The following CACNA1C variants were observed in gnomAD, a reference collection of about 807,000 sequenced individuals.
CACNA1C encodes calcium voltage-gated channel subunit alpha1 C.
A neutral mutation model predicts 229.0 loss-of-function variants in CACNA1C; 30 were observed. That is an observed-to-expected ratio of 0.13 (90% confidence interval 0.10 to 0.18). The LOEUF is 0.18. Among genes scored for constraint, CACNA1C ranks in the 10% least tolerant of loss-of-function variants. CACNA1C has a pLI of 1.00. For synonymous variants in CACNA1C, 1,114 were observed against 1,132.5 expected, an observed-to-expected ratio of 0.98 and a Z score of 0.33; for missense variants, 1,658 against 2,845.0, an observed-to-expected ratio of 0.58 and a Z score of 9.49.
chr12:2,243,773 T>C (rs1352746907), intron 3 of CACNA1C, among the ~76,000 whole-genome samples: 1 of 152,216 alleles, frequency 6.6e-6, no homozygotes, highest in African/African-American at 2.4e-5. Context: ...ACAAGGGCAC[T>C]GTTTATCTGG....
In CACNA1C at chr12:2,053,135, C is replaced by T; in HGVS notation, c.-428C>T. On this transcript the variant is annotated 5_prime_UTR_variant, in exon 1 of 47. Coordinates refer to ENST00000399655, the MANE Select transcript of CACNA1C (RefSeq NM_000719.7). This position sits in a 1 kb window ranked among gnomAD's most constrained non-coding sequence, Gnocchi z 5.8. Reference sequence around the variant, plus strand: ...TTGACAGCAGAGAGCCGGGCAGGGGCCTCAGGAGGACTCGCTGGGAGTGGG... The same window carrying T: ...TTGACAGCAGAGAGCCGGGCAGGGGTCTCAGGAGGACTCGCTGGGAGTGGG... 1 of 984,838 alleles carries T rather than the reference C, an allele frequency of 1.0e-6. No individual in the cohort carries two copies. Among genetic ancestry groups the T allele is most frequent in the South Asian group, 4.7e-5 (1 of 21,270 alleles). The allele number at this position is 984,838 out of a possible 1,614,324, so 61.0% of individuals were successfully genotyped here.
At chr12:2,514,736 G>A (rs1473965122) in intron 9 of CACNA1C, among the ~76,000 whole-genome samples, 5 of 152,060 alleles carry the variant, frequency 3.3e-5, no homozygotes, top group Non-Finnish European at 5.9e-5. Flanking sequence ...GCCACTACAC[G>A]CTTAGCAGCC....
At chr12:2,413,624 C>T (rs949451081) in intron 3 of CACNA1C, among the ~76,000 whole-genome samples, 3 of 152,220 alleles carry the variant, frequency 2.0e-5, no homozygotes, top group African/African-American at 4.8e-5. Flanking sequence ...GGTTTCACAG[C>T]CCCTCTGGCT....
intron 3 of CACNA1C, among the ~76,000 whole-genome samples, chr12:2,192,745 C>G (rs2154300503): frequency 6.6e-6 from 1 of 151,144 alleles, no homozygotes; most frequent in South Asian, 2.1e-4. Flanking sequence ...CACACGGTAC[C>G]TGGCACTCCC....
intron 1 of CACNA1C, chr12:2,011,447 A>G (rs1194753590): frequency 3.3e-5 from 5 of 152,218 alleles, no homozygotes; most frequent in African/African-American, 1.2e-4. Context: ...CGCTAAGGTC[A>G]TAGAGGGATG....
intron 3 of CACNA1C, among the ~76,000 whole-genome samples, chr12:2,201,134 C>T (rs2154318624): frequency 6.6e-6 from 1 of 152,224 alleles, no homozygotes; most frequent in South Asian, 2.1e-4. Context: ...CTCCCCTTTC[C>T]CAGAATTGGG....
chr12:2,622,857 C>T (rs2084074678), intron 29 of CACNA1C, among the ~76,000 whole-genome samples: 1 of 152,202 alleles, frequency 6.6e-6, no homozygotes, highest in Non-Finnish European at 1.5e-5. Context: ...GTCTGGCCGG[C>T]TCAGTTTTCC....
In CACNA1C at chr12:2,269,422, G is replaced by A. The variant is rs980690983; in HGVS notation, c.477+148992G>A. Among the ~76,000 whole-genome samples, 6 of 152,298 alleles carry A rather than the reference G, an allele frequency of 3.9e-5. No homozygotes were observed. In the South Asian group the frequency reaches 8.3e-4, roughly 21 times the overall value. ...TCCTGATGAAGGAAGGTTTAGGGTG[G>A]AGGAATTCTGAGCCCCTGGGTTCTG... On this transcript the variant is annotated intron_variant, in intron 3 of 46. Coordinates refer to ENST00000399655, the MANE Select transcript of CACNA1C (RefSeq NM_000719.7).
intron 3 of CACNA1C, among the ~76,000 whole-genome samples, chr12:2,274,082 G>A (rs192490196): frequency 6.6e-6 from 1 of 152,312 alleles, no homozygotes; most frequent in East Asian, 1.9e-4. Flanking sequence ...GTGGCATAAG[G>A]TCCCACTTGG....
Position 2,677,142 on chromosome 12 carries a change from A to G in CACNA1C, c.4877A>G (p.Glu1626Gly). 6.2e-7 allele frequency: 1 copy of G among 1,613,700 alleles called. No individual in the cohort carries two copies. The highest frequency in any genetic ancestry group is 8.5e-7 in the Non-Finnish European group (1 of 1,179,782). Residue 1626 changes from glutamate (E) to glycine (G), a missense_variant, in exon 40 of 47, where the codon GAG becomes GGG. By Grantham distance (98) the Glu-to-Gly change is moderately conservative. Around this residue, in one of 20 missense-constraint regions of CACNA1C, gnomAD observed 151 missense variants for 344.4 expected, o/e 0.44. Coordinates refer to ENST00000399655, the MANE Select transcript of CACNA1C (RefSeq NM_000719.7). The surrounding 1 kb of genome is among the most constrained non-coding windows in gnomAD (Gnocchi z 7.4). ...GKFYATFLIQ[E>G]YFRKFKKRKE... ...TTCTACGCCACGTTCCTGATCCAGGAGTACTTCCGGAAGTTCAAGAAGCGC... is the reference window on the plus strand; with the variant it reads ...TTCTACGCCACGTTCCTGATCCAGGGGTACTTCCGGAAGTTCAAGAAGCGC...
At position 2,479,168 on chromosome 12, in the gene CACNA1C, T is replaced by G. The variant is rs1465326058; in HGVS notation, c.758-6936T>G. Among the ~76,000 whole-genome samples, 1 of 152,148 alleles carries G rather than the reference T, an allele frequency of 6.6e-6. No individual in the cohort carries two copies. The highest frequency in any genetic ancestry group is 1.9e-4 in the East Asian group (1 of 5,190). Reference sequence around the variant, plus strand: ...GGTGGGCACAGTAAGGACAGTGCCCTTCACTTGAACACCTGTTTTTTTTAA... The same window carrying G: ...GGTGGGCACAGTAAGGACAGTGCCCGTCACTTGAACACCTGTTTTTTTTAA... On this transcript the variant is annotated intron_variant, in intron 5 of 46. Transcript: ENST00000399655. The surrounding 1 kb of genome is among the most constrained non-coding windows in gnomAD (Gnocchi z 4.3).
intron 3 of CACNA1C, among the ~76,000 whole-genome samples, chr12:2,150,949 T>C (rs2095198698): frequency 6.6e-6 from 1 of 152,222 alleles, no homozygotes; most frequent in South Asian, 2.1e-4. Context: ...CCAAGGCCTG[T>C]AGCAGCCTGT....
intron 3 of CACNA1C, among the ~76,000 whole-genome samples, chr12:2,332,833 G>T (rs535875340): frequency 7.0e-4 from 106 of 152,304 alleles, no homozygotes; most frequent in African/African-American, 2.4e-3. Flanking sequence ...TATAAATCTG[G>T]AAGAAAGTAA....
At chr12:2,686,600 A>C (rs2097513502) in intron 45 of CACNA1C, among the ~76,000 whole-genome samples, 1 of 152,238 alleles carries the variant, frequency 6.6e-6, no homozygotes, top group South Asian at 2.1e-4. Flanking sequence ...ACACTGGCCT[A>C]TGCCTCAGGG....
rs142734642 is a variant in CACNA1C, at chr12:2,143,100, C to T, written c.477+22670C>T. On this transcript the variant is annotated intron_variant, in intron 3 of 46. Coordinates refer to ENST00000399655, the MANE Select transcript of CACNA1C (RefSeq NM_000719.7). ...AAGCAATTCTTCTGCCTCAGCCTCT[C>T]GAGTAGCTGAGATTACAGGTGCCTG... is the stretch of plus-strand genomic sequence containing the variant. 5.6e-4 allele frequency among the ~76,000 whole-genome samples: 85 copies of T among 150,960 alleles called. 4 individuals are homozygous for T. The highest frequency in any genetic ancestry group is 6.8e-3 in the Middle Eastern group (2 of 292).
chr12:2,015,558 A>G (rs2045221614), intron 1 of CACNA1C, among the ~76,000 whole-genome samples: 1 of 152,212 alleles, frequency 6.6e-6, no homozygotes, highest in Admixed American at 6.5e-5. Context: ...GGGAGGATAC[A>G]ATGGCATAGA....
chr12:2,099,635 C>A (rs896349904), intron 1 of CACNA1C, among the ~76,000 whole-genome samples: 12 of 152,190 alleles, frequency 7.9e-5, no homozygotes, highest in Middle Eastern at 3.2e-3. Flanking sequence ...TTACTTATTG[C>A]ACAGAATTTT....
At chr12:2,227,718 T>C (rs1399574195) in intron 3 of CACNA1C, among the ~76,000 whole-genome samples, 1 of 152,218 alleles carries the variant, frequency 6.6e-6, no homozygotes, top group African/African-American at 2.4e-5. Context: ...TACTATATTT[T>C]ACTGATTCTA....
chr12:2,190,088 A>T (rs1341288883), intron 3 of CACNA1C, among the ~76,000 whole-genome samples: 2 of 152,202 alleles, frequency 1.3e-5, no homozygotes, highest in African/African-American at 4.8e-5. Flanking sequence ...TAAAAATGAG[A>T]TGATGTGAAA....
Sources: gnomAD v4.1 joint callset for allele counts (sites outside exome capture counted in the v4.1 genomes callset) on GRCh38, gnomAD v4.1.1 for gene constraint, gnomAD v4.1.1 regional missense constraint, Gnocchi (gnomAD v3.1) non-coding constraint, MANE v1.5 for transcripts, NCBI Gene and HGNC (gene_info 2026-07-23, HGNC 2026-07-21) for gene names.